The following ROCK2 variants were observed in gnomAD, a reference collection of about 807,000 sequenced individuals.
ROCK2 encodes Rho associated coiled-coil containing protein kinase 2, also known as rho-associated protein kinase 2.
In ROCK2, 61 loss-of-function variants were observed where a neutral mutation model predicts 195.1. The ratio of observed to expected loss-of-function variants is 0.31; its 90% CI spans 0.25 to 0.39. ROCK2 has a LOEUF of 0.39. ROCK2 is among the 10% of genes least tolerant of loss of function. ROCK2 has a pLI of 1.00. For missense variants in ROCK2, 1,109 were observed against 1,637.4 expected (o/e 0.68, Z 5.57); for synonymous variants, 504 against 545.5 (o/e 0.92, Z 1.06).
Position 11,219,004 on chromosome 2 carries a change from A to C in ROCK2, c.1282T>G (p.Cys428Gly), listed in dbSNP as rs1441578233. 1 of 1,476,958 alleles carries C rather than the reference A, an allele frequency of 6.8e-7. No individual in the cohort carries two copies. Among genetic ancestry groups the C allele is most frequent in the Admixed American group, 2.0e-5 (1 of 50,260 alleles). 91.5% of individuals were successfully genotyped at this position (1,476,958 alleles called of 1,614,324 possible). A position where few individuals can be genotyped will look rare whatever the true frequency, so the allele number is the denominator to read the frequency against. The change falls in exon 10 of 33, where the codon TGT becomes GGT. Residue 428 changes from cysteine (C) to glycine (G), a missense_variant. By Grantham distance (159) the Cys-to-Gly change is radical. Around this residue, in one of 6 missense-constraint regions of ROCK2, gnomAD observed 542 missense variants for 672.0 expected, o/e 0.81. Coordinates refer to ENST00000315872, the MANE Select transcript of ROCK2 (RefSeq NM_004850.5). Reference protein sequence around the residue: ...ENLLLSDSPSCRETDSIQSRK... With the variant: ...ENLLLSDSPSGRETDSIQSRK... Reference sequence around the variant, plus strand: ...GATTGTATGGAATCAGTTTCTCTACAAGATGGAGAGTCACTTAATAATCTA... The same window carrying C: ...GATTGTATGGAATCAGTTTCTCTACCAGATGGAGAGTCACTTAATAATCTA...
In ROCK2 at chr2:11,215,345, C is replaced by T. The variant is rs748282963; in HGVS notation, c.1665G>A (p.Glu555=). ...CTTGTCTCTGGAGTTGATTCACTTT[C>T]TCAGTGGATATTTGAGAGTTTTGAT... ...KRNQNSQIST[E]KVNQLQRQLD... Residue 555 remains glutamate, a synonymous_variant, in exon 15 of 33, where the codon GAG becomes GAA. Transcript: ENST00000315872. 6.2e-7 allele frequency: 1 copy of T among 1,605,186 alleles called. No individual in the cohort carries two copies. Among genetic ancestry groups the T allele is most frequent in the South Asian group, 1.1e-5 (1 of 89,258 alleles).
At chr2:11,190,026 T>G (rs534708362) in intron 32 of ROCK2, among the ~76,000 whole-genome samples, 3 of 152,050 alleles carry the variant, frequency 2.0e-5, no homozygotes, top group African/African-American at 7.2e-5. Context: ...AAAATGCAGG[T>G]TGATTGATTC....
chr2:11,203,081 TTG>T (rs1385444468), intron 20 of ROCK2, among the ~76,000 whole-genome samples: 1 of 152,188 alleles, frequency 6.6e-6, no homozygotes, highest in African/African-American at 2.4e-5. Flanking sequence ...CACTTAGTAT[TTG>T]TGTACTTTTT....
intron 18 of ROCK2, among the ~76,000 whole-genome samples, chr2:11,210,768 G>T (rs932838395): frequency 6.6e-6 from 1 of 152,082 alleles, no homozygotes; most frequent in South Asian, 2.1e-4. Flanking sequence ...TGTCTTCTAG[G>T]CCACAGACAA....
At chr2:11,317,054 A>C (rs565182954) in intron 1 of ROCK2, among the ~76,000 whole-genome samples, 1 of 152,240 alleles carries the variant, frequency 6.6e-6, no homozygotes, top group Non-Finnish European at 1.5e-5. Flanking sequence ...GGTATATAAC[A>C]TAAGGTTAAA....
chr2:11,318,002 C>A (rs1326929084), intron 1 of ROCK2, among the ~76,000 whole-genome samples: 2 of 152,030 alleles, frequency 1.3e-5, no homozygotes, highest in Non-Finnish European at 2.9e-5. Flanking sequence ...TTTCTTAATC[C>A]AGTCTATCAT....
chr2:11,334,007 T>C (rs992640269), intron 1 of ROCK2, among the ~76,000 whole-genome samples: 2 of 152,190 alleles, frequency 1.3e-5, no homozygotes, highest in African/African-American at 2.4e-5. Context: ...CCGGAAAATA[T>C]CCAAATCACA....
intron 5 of ROCK2, among the ~76,000 whole-genome samples, chr2:11,228,384 T>C (rs1190047902): frequency 6.6e-6 from 1 of 152,214 alleles, no homozygotes; most frequent in African/African-American, 2.4e-5. Context: ...GATCTTTTCA[T>C]TCATTCTCAA....
intron 11 of ROCK2, 53 bp downstream of exon 11, chr2:11,218,402 G>GA (rs751051183): frequency 6.8e-7 from 1 of 1,464,998 alleles, no homozygotes; most frequent in Non-Finnish European, 9.3e-7. Flanking sequence ...TAAACTTTGC[G>GA]AGAGTGATGA....
chr2:11,299,356 A>G (rs1377409331), intron 1 of ROCK2, among the ~76,000 whole-genome samples: 1 of 152,132 alleles, frequency 6.6e-6, no homozygotes, highest in East Asian at 1.9e-4. Context: ...CCAGTCAAAT[A>G]TTAATCAAAT....
At chr2:11,207,579 G>T in intron 20 of ROCK2, 147 bp downstream of exon 20, 1 of 499,214 alleles carries the variant, frequency 2.0e-6, no homozygotes, top group Non-Finnish European at 3.4e-6. Flanking sequence ...AAGGACAACA[G>T]TGACACTCAA....
intron 3 of ROCK2, among the ~76,000 whole-genome samples, chr2:11,251,783 C>A (rs986347912): frequency 2.6e-5 from 4 of 152,100 alleles, no homozygotes; most frequent in African/African-American, 9.7e-5. Context: ...GGGCTAATAA[C>A]CAGAATCTAC....
intron 5 of ROCK2, among the ~76,000 whole-genome samples, chr2:11,230,081 CA>C (rs1220963532): frequency 6.6e-6 from 1 of 152,064 alleles, no homozygotes; most frequent in African/African-American, 2.4e-5. Context: ...TGGTTTAGTA[CA>C]TTTAGTATAT....
At chr2:11,325,250 G>T (rs1422900741) in intron 1 of ROCK2, among the ~76,000 whole-genome samples, 1 of 152,152 alleles carries the variant, frequency 6.6e-6, no homozygotes, top group Non-Finnish European at 1.5e-5. Context: ...TGTGTATGTG[G>T]TTCTGGCAGG....
intron 32 of ROCK2, among the ~76,000 whole-genome samples, chr2:11,189,697 A>G (rs1663341840): frequency 6.6e-6 from 1 of 152,146 alleles, no homozygotes; most frequent in Admixed American, 6.5e-5. Flanking sequence ...AAAATGGAAT[A>G]CTGGCCAGGC....
chr2:11,323,491 T>C (rs1352239370), intron 1 of ROCK2, among the ~76,000 whole-genome samples: 2 of 152,178 alleles, frequency 1.3e-5, no homozygotes, highest in Non-Finnish European at 1.5e-5. Context: ...TATATGCTAC[T>C]CAGATGTTCT....
intron 1 of ROCK2, among the ~76,000 whole-genome samples, chr2:11,295,540 T>A (rs1667485261): frequency 6.6e-6 from 1 of 152,222 alleles, no homozygotes; most frequent in Admixed American, 6.5e-5. Flanking sequence ...GTACACAGAA[T>A]AATTATATGG....
intron 4 of ROCK2, among the ~76,000 whole-genome samples, chr2:11,245,516 A>G (rs979332234): frequency 6.6e-6 from 1 of 151,978 alleles, no homozygotes; most frequent in South Asian, 2.1e-4. Context: ...TTTTTTAACA[A>G]AGCAATCTGG....
chr2:11,344,777 C>G (rs940396423), upstream of ROCK2, among the ~76,000 whole-genome samples: 1 of 150,308 alleles, frequency 6.7e-6, no homozygotes, highest in Admixed American at 6.6e-5. The surrounding 1 kb of genome is among the most constrained non-coding windows in gnomAD (Gnocchi z 5.4). Context: ...GCGTCTGTCC[C>G]GCTCCGCTTT....
Sources: gnomAD v4.1 joint callset for allele counts (sites outside exome capture counted in the v4.1 genomes callset) on GRCh38, gnomAD v4.1.1 for gene constraint, gnomAD v4.1.1 regional missense constraint, Gnocchi (gnomAD v3.1) non-coding constraint, MANE v1.5 for transcripts, NCBI Gene and HGNC (gene_info 2026-07-23, HGNC 2026-07-21) for gene names.